The following NKAIN2 variants were observed in gnomAD, a reference collection of about 807,000 sequenced individuals.
NKAIN2 encodes sodium/potassium-transporting ATPase subunit beta-1-interacting protein 2.
Under a neutral mutation model 32.6 loss-of-function variants are expected in NKAIN2, and 14 were observed. The observed-to-expected ratio is 0.43, with a 90% CI of 0.28 to 0.67. The LOEUF (loss-of-function observed/expected upper bound fraction) is 0.67, where lower values mean the gene tolerates loss of function less well. Among genes scored for constraint, NKAIN2 ranks in the 30% least tolerant of loss-of-function variants. The probability of loss-of-function intolerance (pLI) is 0.17; values close to 1 mark genes in which losing one functional copy is unlikely to be tolerated. For missense variants in NKAIN2, 198 were observed against 258.3 expected (o/e 0.77, Z 1.60); for synonymous variants, 80 against 87.2 (o/e 0.92, Z 0.46).
intron 1 of NKAIN2, among the ~76,000 whole-genome samples, chr6:124,186,149 A>G (rs865900728): frequency 8.7e-6 from 1 of 114,754 alleles, no homozygotes; most frequent in Non-Finnish European, 1.6e-5. Context: ...GAAAGGAAGG[A>G]AGGAAGGGAG....
At chr6:124,249,082 T>A (rs1793562232) in intron 1 of NKAIN2, among the ~76,000 whole-genome samples, 2 of 152,086 alleles carry the variant, frequency 1.3e-5, no homozygotes, top group Non-Finnish European at 2.9e-5. Context: ...GTCTGGTTCT[T>A]TAAAAAGGAT....
chr6:124,174,398 CAA>C (rs1789054195), intron 1 of NKAIN2, among the ~76,000 whole-genome samples: 1 of 152,016 alleles, frequency 6.6e-6, no homozygotes, highest in Admixed American at 6.5e-5. Flanking sequence ...TTAAGGAAAA[CAA>C]AGATAAAAAG....
intron 1 of NKAIN2, among the ~76,000 whole-genome samples, chr6:123,857,140 C>T (rs2114970045): frequency 6.6e-6 from 1 of 152,202 alleles, no homozygotes; most frequent in Non-Finnish European, 1.5e-5. Flanking sequence ...CAGAAAAATG[C>T]CTGTCACATT....
chr6:123,998,827 A>G (rs1197975083), intron 1 of NKAIN2, among the ~76,000 whole-genome samples: 1 of 150,206 alleles, frequency 6.7e-6, no homozygotes, highest in Non-Finnish European at 1.5e-5. Context: ...ATATATATAT[A>G]TATGGTGATG....
At chr6:124,205,332 C>T (rs1790810573) in intron 1 of NKAIN2, among the ~76,000 whole-genome samples, 1 of 147,128 alleles carries the variant, frequency 6.8e-6, no homozygotes, top group South Asian at 2.2e-4. Context: ...TTCTAGAATA[C>T]TCTGGGTTAC....
chr6:124,029,059 T>A lies in NKAIN2; in HGVS notation c.54+224805T>A, dbSNP rs577767221. Among the ~76,000 whole-genome samples the A allele has an allele frequency of 3.3e-5, 5 of 151,436 alleles. No individual in the cohort carries two copies. The South Asian group carries it at 1.0e-3, about 32-fold the overall frequency. On this transcript the variant is annotated intron_variant, in intron 1 of 6. Coordinates refer to ENST00000368417, the MANE Select transcript of NKAIN2 (RefSeq NM_001040214.3). ...ATAAGTACTAGAATTTTTTTTATAG[T>A]TTGATACTGATAATTGTGGGCTGTT...
chr6:123,977,419 A>G (rs1207233647), intron 1 of NKAIN2, among the ~76,000 whole-genome samples: 1 of 152,114 alleles, frequency 6.6e-6, no homozygotes. Context: ...TTTAAAAACA[A>G]GCAAACAAAA....
intron 6 of NKAIN2, among the ~76,000 whole-genome samples, chr6:124,820,097 T>C (rs1781329693): frequency 6.6e-6 from 1 of 152,168 alleles, no homozygotes; most frequent in African/African-American, 2.4e-5. Flanking sequence ...TGTACTACAG[T>C]TGTTTGCTAT....
chr6:124,246,090 T>G (rs1793381022), intron 1 of NKAIN2, among the ~76,000 whole-genome samples: 1 of 152,106 alleles, frequency 6.6e-6, no homozygotes, highest in Non-Finnish European at 1.5e-5. Flanking sequence ...TTGTTTTTAG[T>G]GTCTCAAAAC....
At chr6:124,293,268 T>C (rs1456794752) in intron 2 of NKAIN2, among the ~76,000 whole-genome samples, 1 of 152,120 alleles carries the variant, frequency 6.6e-6, no homozygotes, top group Non-Finnish European at 1.5e-5. Flanking sequence ...CTGATATTAA[T>C]TTAACTTTCC....
chr6:123,918,892 T>C lies in NKAIN2; in HGVS notation c.54+114638T>C, dbSNP rs546133727. On this transcript the variant is annotated intron_variant, in intron 1 of 6. Transcript: ENST00000368417. ...ACCGTGTTTACTTCTAGGTAAAAAC[T>C]CTAAGTAAATACATTTGCATTCTAT... Among the ~76,000 whole-genome samples, 15 of 152,266 alleles carry C rather than the reference T, an allele frequency of 9.9e-5. No homozygotes were observed. The East Asian group carries it at 2.9e-3, about 29-fold the overall frequency.
At chr6:124,717,060 A>G (rs1032061050) in intron 4 of NKAIN2, among the ~76,000 whole-genome samples, 2 of 152,260 alleles carry the variant, frequency 1.3e-5, no homozygotes, top group Non-Finnish European at 2.9e-5. Context: ...TGCAGACAAT[A>G]TTCCAATTAA....
chr6:124,255,078 T>C (rs1226026277), intron 1 of NKAIN2, among the ~76,000 whole-genome samples: 1 of 152,174 alleles, frequency 6.6e-6, no homozygotes, highest in Non-Finnish European at 1.5e-5. Context: ...TTCAATTGCA[T>C]TAGTGTGTTT....
chr6:123,943,834 T>C (rs1006809389), intron 1 of NKAIN2, among the ~76,000 whole-genome samples: 1 of 152,070 alleles, frequency 6.6e-6, no homozygotes, highest in Non-Finnish European at 1.5e-5. Context: ...AACACTTTAG[T>C]TTAATAATAC....
chr6:124,055,194 G>A (rs990972654), intron 1 of NKAIN2, among the ~76,000 whole-genome samples: 1 of 151,840 alleles, frequency 6.6e-6, no homozygotes, highest in Non-Finnish European at 1.5e-5. Flanking sequence ...ACAGATTTTG[G>A]TAATCCTTTC....
At chr6:124,355,185 T>G in intron 2 of NKAIN2, 82 bp from the exon 3 acceptor site, 1 of 796,212 alleles carries the variant, frequency 1.3e-6, no homozygotes, top group Non-Finnish European at 2.2e-6. Context: ...TATATTAGGG[T>G]GTGCGAAAGT....
In NKAIN2 at chr6:124,053,835, G is replaced by T. The variant is rs867825325; in HGVS notation, c.55-229170G>T. ...TCTGGATTAGTCTGACAGTTACAAGGTTCTAGGACTGGTGAGTTCATTGTG... is the reference window on the plus strand; with the variant it reads ...TCTGGATTAGTCTGACAGTTACAAGTTTCTAGGACTGGTGAGTTCATTGTG... On this transcript the variant is annotated intron_variant, in intron 1 of 6. Transcript: ENST00000368417. Among the ~76,000 whole-genome samples the T allele has an allele frequency of 2.6e-5, 4 of 151,964 alleles. No homozygotes were observed. The South Asian group carries it at 6.2e-4, about 24-fold the overall frequency.
chr6:124,463,559 T>A (rs1168947588), intron 3 of NKAIN2, among the ~76,000 whole-genome samples: 1 of 152,076 alleles, frequency 6.6e-6, no homozygotes, highest in Non-Finnish European at 1.5e-5. Context: ...TTCTACTCCA[T>A]GTGCCTGTGC....
At chr6:124,201,303 G>A (rs1433527047) in intron 1 of NKAIN2, among the ~76,000 whole-genome samples, 3 of 151,870 alleles carry the variant, frequency 2.0e-5, no homozygotes, top group Non-Finnish European at 2.9e-5. Context: ...AAATAAATAT[G>A]CATTAATGGT....
Sources: gnomAD v4.1 joint callset for allele counts (sites outside exome capture counted in the v4.1 genomes callset) on GRCh38, gnomAD v4.1.1 for gene constraint, MANE v1.5 for transcripts, NCBI Gene and HGNC (gene_info 2026-07-23, HGNC 2026-07-21) for gene names.